KAT5: variants seen among roughly 807,000 people sequenced by gnomAD.
KAT5 encodes lysine acetyltransferase 5.
KAT5 carries 31 observed loss-of-function variants against 68.1 expected under a neutral mutation model. The observed-to-expected ratio is 0.46, with a 90% CI of 0.34 to 0.61. The LOEUF is 0.61. KAT5 is among the 20% of genes least tolerant of loss of function. KAT5 has a pLI of 0.01. For missense variants in KAT5, 451 were observed against 725.5 expected, an observed-to-expected ratio of 0.62 and a Z score of 4.35; for synonymous variants, 365 against 292.6, an observed-to-expected ratio of 1.25 and a Z score of -2.52.
At chr11:65,712,578 G>T (rs762319786) in intron 1 of KAT5, 133 bp downstream of exon 1, 1 of 1,231,036 alleles carries the variant, frequency 8.1e-7, no homozygotes, top group South Asian at 1.4e-5. Flanking sequence ...AAGGGGCGTG[G>T]CTCTTAGCTG....
chr11:65,712,232 C>G (rs933556772), upstream of KAT5: 1 of 1,398,974 alleles, frequency 7.1e-7, no homozygotes, highest in Non-Finnish European at 9.3e-7. Context: ...GTGACGTCTC[C>G]CAGAGGGGCC....
At chr11:65,716,400 G>A (rs1216020684) in intron 8 of KAT5, 2 of 500,982 alleles carry the variant, frequency 4.0e-6, no homozygotes, top group Admixed American at 3.3e-5. Context: ...GAATGGAGGT[G>A]TGCGGAGCAA....
Position 65,712,463 on chromosome 11 carries a change from G to A in KAT5, c.178+18G>A. On this transcript the variant is annotated intron_variant, in intron 1 of 12. Transcript: ENST00000341318. ...TGAGTGGCGTGAGTGACGTTGGGGGGCGGGACTAAGGAACCTGAGGGCGAG... is the reference window on the plus strand; with the variant it reads ...TGAGTGGCGTGAGTGACGTTGGGGGACGGGACTAAGGAACCTGAGGGCGAG... 6.3e-7 allele frequency: 1 copy of A among 1,585,578 alleles called. No homozygotes were observed. Among genetic ancestry groups the A allele is most frequent in the South Asian group, 1.1e-5 (1 of 86,958 alleles).
At chr11:65,713,193 T>C (rs1857082607) in intron 3 of KAT5, 135 bp downstream of exon 3, 4 of 1,341,456 alleles carry the variant, frequency 3.0e-6, no homozygotes, top group Non-Finnish European at 4.2e-6. Context: ...GGGGGCCAAA[T>C]TGCACATGTA....
chr11:65,715,596 TAAAAA>T (rs1857163987), intron 8 of KAT5, among the ~76,000 whole-genome samples: 2 of 151,118 alleles, frequency 1.3e-5, no homozygotes, highest in South Asian at 4.2e-4. Context: ...CTGTCTCTAC[TAAAAA>T]GTACAAAAAA....
chr11:65,717,046 G>A, intron 10 of KAT5, 64 bp downstream of exon 10: 2 of 1,253,502 alleles, frequency 1.6e-6, no homozygotes, highest in Non-Finnish European at 2.3e-6. Context: ...AGGCAGATGG[G>A]CCAGGCTACT....
rs1241852631 is a variant in KAT5 at position 65,714,747 on chromosome 11, T to C, written c.939+4T>C. 1 of 1,614,218 alleles carries C rather than the reference T, an allele frequency of 6.2e-7. No homozygotes were observed. The highest frequency in any genetic ancestry group is 8.5e-7 in the Non-Finnish European group (1 of 1,180,034). On this transcript the variant is annotated splice_donor_region_variant and intron_variant, in intron 7 of 12. Transcript: ENST00000341318. ...CAAGTGTCTTCAGCGTCATTTGGTA[T>C]GAGGGGTCCAGGGAGGCTGCCTTCC...
In KAT5 at chr11:65,713,023, C is replaced by A. The variant is rs115896676; in HGVS notation, c.349C>A (p.Pro117Thr). Residue 117 changes from proline (P) to threonine (T), a missense_variant, in exon 3 of 13, where the codon CCT becomes ACT. By Grantham distance (38) the Pro-to-Thr change is conservative. Coordinates refer to ENST00000341318, the MANE Select transcript of KAT5 (RefSeq NM_182710.3). ...EAKTPTKNGL[P>T]GSRPGSPERE... The stretch of plus-strand genomic sequence containing the variant: ...CAAGACCCCCACTAAGAACGGACTT[C>A]CTGGGTCCCGTCCTGGCTCTCCAGA... The A allele has an allele frequency of 1.2e-6, 2 of 1,613,514 alleles. No homozygotes were observed. The highest frequency in any genetic ancestry group is 2.7e-5 in the African/African-American group (2 of 74,904).
chr11:65,719,007 T>C (rs1278429292), intron 12 of KAT5, 40 bp from the exon 13 acceptor site: 1 of 1,614,034 alleles, frequency 6.2e-7, no homozygotes, highest in Non-Finnish European at 8.5e-7. Context: ...TGCAGTCCTC[T>C]GTGGGCTGAC....
At position 65,713,856 on chromosome 11, in the gene KAT5, T is replaced by C; in HGVS notation, c.690+8T>C. ...TGTTTGGGCACTGATGAGGTGGGTC[T>C]GGGGAGCAGCAGAAGGGAACTGGGT... is the stretch of plus-strand genomic sequence containing the variant. On this transcript the variant is annotated splice_region_variant and intron_variant, in intron 6 of 12. Coordinates refer to ENST00000341318, the MANE Select transcript of KAT5 (RefSeq NM_182710.3). The C allele has an allele frequency of 1.9e-6, 3 of 1,569,512 alleles. No homozygotes were observed. The highest frequency in any genetic ancestry group is 2.6e-6 in the Non-Finnish European group (3 of 1,156,620).
In KAT5 at chr11:65,719,135, G is replaced by A. The variant is rs758749497; in HGVS notation, c.1595G>A (p.Cys532Tyr). ...CGGCTCCTGCGGATCGACTCCAAGT[G>A]TCTGCACTTCACTCCCAAGGACTGG... ...LKRLLRIDSK[C>Y]LHFTPKDWSK... Residue 532 changes from cysteine (C) to tyrosine (Y), a missense_variant, in exon 13 of 13, where the codon TGT becomes TAT. This residue lies in a region of KAT5 where 210 missense variants were observed against 423.7 expected (regional missense o/e 0.50). Transcript: ENST00000341318. The A allele has an allele frequency of 5.6e-6, 9 of 1,614,212 alleles. 1 individual carries two copies. In the South Asian group the frequency reaches 8.8e-5, roughly 16 times the overall value.
intron 6 of KAT5, 21 bp from the exon 7 acceptor site, chr11:65,714,474 T>G: frequency 6.2e-7 from 1 of 1,611,014 alleles, no homozygotes; most frequent in Non-Finnish European, 8.5e-7. Context: ...CAACCTGGTA[T>G]TTTCCACTGG....
upstream of KAT5, chr11:65,712,224 G>A: frequency 1.4e-6 from 2 of 1,394,838 alleles, no homozygotes; most frequent in Non-Finnish European, 1.9e-6. Flanking sequence ...TCCCGGAAGT[G>A]ACGTCTCCCA....
At position 65,712,408 on chromosome 11, in the gene KAT5, C is replaced by G. The variant is rs765520391; in HGVS notation, c.141C>G (p.Pro47=). ...QGEIIEGCRL[P]VLRRNQDNED... is the part of the protein sequence containing the mutation. ...AGATAATCGAGGGCTGCCGCCTACC[C>G]GTGCTGCGGCGGAACCAGGACAACG... The change falls in exon 1 of 13, where the codon CCC becomes CCG. Residue 47 remains proline (P), a synonymous_variant. Transcript: ENST00000341318. 6 of 1,588,968 alleles carry G rather than the reference C, an allele frequency of 3.8e-6. No homozygotes were observed. Among genetic ancestry groups the G allele is most frequent in the Admixed American group, 3.9e-5 (2 of 51,100 alleles).
Position 65,713,497 on chromosome 11 carries a change from C to A in KAT5, c.534C>A (p.Arg178=), listed in dbSNP as rs1857095429. The A allele has an allele frequency of 6.2e-7, 1 of 1,614,126 alleles. No homozygotes were observed. The highest frequency in any genetic ancestry group is 1.3e-5 in the African/African-American group (1 of 74,952). ...GCTCCTGCCTGCAGCCCAACCACCG[C>A]TCAACGGTACCCTCAGCAATTCCAG... ...SSSSCLQPNH[R]STKRKVEVVS... is the part of the protein sequence containing the mutation. The change falls in exon 4 of 13, where the codon CGC becomes CGA. Residue 178 remains arginine (R), a synonymous_variant. Transcript: ENST00000341318.
Position 65,719,210 on chromosome 11 carries a change from C to G in KAT5, c.*29C>G. The G allele has an allele frequency of 6.2e-7, 1 of 1,609,746 alleles. No homozygotes were observed. The highest frequency in any genetic ancestry group is 8.5e-7 in the Non-Finnish European group (1 of 1,178,320). On this transcript the variant is annotated 3_prime_UTR_variant, in exon 13 of 13. Transcript: ENST00000341318. ...GACACTGCCCACTGCAGTGCCAAGA[C>G]GGCAGCAGGACTGGGGCTGATAGCC... is the stretch of plus-strand genomic sequence containing the variant.
intron 6 of KAT5, 91 bp from the exon 7 acceptor site, chr11:65,714,404 G>T: frequency 6.8e-6 from 10 of 1,470,450 alleles, no homozygotes; most frequent in Non-Finnish European, 9.3e-6. Context: ...GTTGCTGTTA[G>T]GCTTGAAGGA....
Position 65,718,761 on chromosome 11 carries a change from G to A in KAT5, c.1424+12G>A, listed in dbSNP as rs943063283. The stretch of plus-strand genomic sequence containing the variant: ...CAGATCACCATCAAGTGAGCCTGGC[G>A]CTGTCTACCTGGGGGTACATGGCAT... On this transcript the variant is annotated intron_variant, in intron 11 of 12. Transcript: ENST00000341318. 7 of 1,614,016 alleles carry A rather than the reference G, an allele frequency of 4.3e-6. No homozygotes were observed. The highest frequency in any genetic ancestry group is 1.7e-5 in the Admixed American group (1 of 60,000).
At chr11:65,712,872 T>C (rs1305367817) in intron 2 of KAT5, 38 bp downstream of exon 2, 30 of 1,613,952 alleles carry the variant, frequency 1.9e-5, no homozygotes, top group African/African-American at 5.3e-5. Flanking sequence ...CAGGGTAGGG[T>C]TGGGGGACAG....
Sources: gnomAD v4.1 joint callset for allele counts (sites outside exome capture counted in the v4.1 genomes callset) on GRCh38, gnomAD v4.1.1 for gene constraint, gnomAD v4.1.1 regional missense constraint, MANE v1.5 for transcripts, NCBI Gene and HGNC (gene_info 2026-07-23, HGNC 2026-07-21) for gene names.